TSPAN14: variants seen among roughly 807,000 people sequenced by gnomAD.
TSPAN14 encodes tetraspanin-14.
In TSPAN14, 16 loss-of-function variants were observed where a neutral mutation model predicts 36.6. That is an observed-to-expected ratio of 0.44 (90% CI 0.30 to 0.66). TSPAN14 has a LOEUF of 0.66. Among genes scored for constraint, TSPAN14 ranks in the 30% least tolerant of loss-of-function variants. The probability of loss-of-function intolerance (pLI) is 0.12; values close to 1 mark genes in which losing one functional copy is unlikely to be tolerated. For synonymous variants in TSPAN14, 139 were observed against 143.8 expected (o/e 0.97, Z 0.24); for missense variants, 231 against 355.1 (o/e 0.65, Z 2.81).
chr10:80,492,409 A>C (rs528419121), intron 2 of TSPAN14, among the ~76,000 whole-genome samples: 1 of 152,324 alleles, frequency 6.6e-6, no homozygotes, highest in African/African-American at 2.4e-5. Flanking sequence ...GATGGTGGAC[A>C]CTGGGCTCAG....
At chr10:80,454,317 C>T (rs1488990426) in exon 1 of TSPAN14, 2 of 151,628 alleles carry the variant, frequency 1.3e-5, no homozygotes, top group African/African-American at 4.9e-5. Flanking sequence ...GCGGAACTTG[C>T]TCTAACTTCC....
At chr10:80,487,873 C>T (rs1438603690) in intron 1 of TSPAN14, among the ~76,000 whole-genome samples, 5 of 152,134 alleles carry the variant, frequency 3.3e-5, no homozygotes, top group Admixed American at 1.3e-4. Context: ...GTCAATTCCA[C>T]ACCGTGGGAG....
chr10:80,511,744 CT>C (rs1445104640), intron 5 of TSPAN14, among the ~76,000 whole-genome samples: 2 of 148,080 alleles, frequency 1.4e-5, no homozygotes, highest in Non-Finnish European at 1.5e-5. Flanking sequence ...CTCTCTCTCT[CT>C]CTCTCTCTCT....
intron 2 of TSPAN14, among the ~76,000 whole-genome samples, chr10:80,494,672 C>T (rs980791495): frequency 3.9e-5 from 6 of 152,190 alleles, no homozygotes; most frequent in Non-Finnish European, 8.8e-5. Flanking sequence ...GAACTCTGCT[C>T]CTTTGATATC....
chr10:80,485,200 C>CGT (rs58641111), intron 1 of TSPAN14, among the ~76,000 whole-genome samples: 62,991 of 151,450 alleles, frequency 0.42, 14,097 homozygotes, highest in East Asian at 0.83. Context: ...GTCATGCGTG[C>CGT]GTGTGTGTGT....
intron 2 of TSPAN14, among the ~76,000 whole-genome samples, chr10:80,504,144 T>C (rs1336696799): frequency 1.3e-5 from 2 of 152,212 alleles, no homozygotes. Context: ...CCCCTGCTCA[T>C]TGTAGTTAAC....
chr10:80,480,532 A>G (rs1046649670), intron 1 of TSPAN14, among the ~76,000 whole-genome samples: 11 of 152,208 alleles, frequency 7.2e-5, no homozygotes, highest in Non-Finnish European at 1.2e-4. Flanking sequence ...AACCAACCCA[A>G]ATGTCCAACA....
At chr10:80,516,776 C>T (rs1250723430) in intron 8 of TSPAN14, among the ~76,000 whole-genome samples, 4 of 152,246 alleles carry the variant, frequency 2.6e-5, no homozygotes, top group African/African-American at 9.6e-5. Context: ...AGGACCTCTC[C>T]TCCTGTCTCT....
chr10:80,511,734 CT>C (rs1171259274), intron 5 of TSPAN14, among the ~76,000 whole-genome samples: 8 of 130,162 alleles, frequency 6.1e-5, no homozygotes, highest in African/African-American at 2.4e-4. Context: ...CTCTCTCTCT[CT>C]CTCTCTCTCT....
intron 2 of TSPAN14, among the ~76,000 whole-genome samples, chr10:80,493,477 T>C (rs1393099434): frequency 1.3e-5 from 2 of 152,186 alleles, no homozygotes; most frequent in Non-Finnish European, 2.9e-5. Context: ...ATAGCAGCAT[T>C]ATTTACAGTT....
At chr10:80,501,860 C>T (rs947309854) in intron 2 of TSPAN14, among the ~76,000 whole-genome samples, 4 of 152,188 alleles carry the variant, frequency 2.6e-5, no homozygotes, top group African/African-American at 9.7e-5. Flanking sequence ...TGGGGAGTCA[C>T]TCATGCCTGC....
At chr10:80,481,743 T>G (rs2131995501) in intron 1 of TSPAN14, among the ~76,000 whole-genome samples, 1 of 152,276 alleles carries the variant, frequency 6.6e-6, no homozygotes, top group East Asian at 1.9e-4. Flanking sequence ...CTCCTGCCTC[T>G]GCCTCCCAAT....
At chr10:80,475,611 A>G (rs926142294) in intron 1 of TSPAN14, among the ~76,000 whole-genome samples, 34 of 152,076 alleles carry the variant, frequency 2.2e-4, no homozygotes, top group African/African-American at 7.7e-4. Context: ...TTGTTGAGAC[A>G]GAGTCTCGCT....
At position 80,507,057 on chromosome 10, in the gene TSPAN14, C is replaced by G. The variant is rs78944437; in HGVS notation, c.133-171C>G. 4.8e-4 allele frequency: 374 copies of G among 771,838 alleles called. 1 individual carries two copies. The African/African-American group carries it at 5.8e-3, about 12-fold the overall frequency. 47.8% of individuals were successfully genotyped at this position (771,838 alleles called of 1,614,324 possible). The stretch of plus-strand genomic sequence containing the variant: ...CTGAGGTGGGCAGGGATCGCCTGGT[C>G]GGAGGGGCCCCTAAGGGCATGGATG... On this transcript the variant is annotated intron_variant, in intron 3 of 8. Coordinates refer to ENST00000429989, the Ensembl canonical transcript of TSPAN14.
At chr10:80,492,054 TC>T (rs1847948108) in intron 2 of TSPAN14, among the ~76,000 whole-genome samples, 1 of 152,174 alleles carries the variant, frequency 6.6e-6, no homozygotes, top group Admixed American at 6.5e-5. Context: ...ACCCAGGGCC[TC>T]CCTGAGCTGA....
At chr10:80,485,727 G>T in intron 1 of TSPAN14, 1 of 980,866 alleles carries the variant, frequency 1.0e-6, no homozygotes, top group South Asian at 4.7e-5. Flanking sequence ...CTGTCCCGAG[G>T]TTAGGTGGGT....
chr10:80,513,951 T>G (rs1840792946), intron 6 of TSPAN14, 68 bp from the exon 7 acceptor site: 1 of 1,406,308 alleles, frequency 7.1e-7, no homozygotes, highest in Non-Finnish European at 1.0e-6. Flanking sequence ...GTTGTGACTT[T>G]ACTAGAGCCT....
intron 1 of TSPAN14, among the ~76,000 whole-genome samples, chr10:80,472,423 G>T (rs569452721): frequency 1.2e-4 from 18 of 152,132 alleles, no homozygotes; most frequent in African/African-American, 3.9e-4. Context: ...GACAATGATC[G>T]CTTGCTTATG....
At chr10:80,520,547 C>A in exon 9 of TSPAN14, 1 of 502,554 alleles carries the variant, frequency 2.0e-6, no homozygotes, top group Admixed American at 2.1e-5. Context: ...CACATGCTAA[C>A]TTTAAAGCCT....
Sources: gnomAD v4.1 joint callset for allele counts (sites outside exome capture counted in the v4.1 genomes callset) on GRCh38, gnomAD v4.1.1 for gene constraint, MANE v1.5 for transcripts, NCBI Gene and HGNC (gene_info 2026-07-23, HGNC 2026-07-21) for gene names.